The following CORO7 variants were observed in gnomAD, a reference collection of about 807,000 sequenced individuals.
CORO7 encodes the protein coronin 7, also known as coronin-7.
CORO7 carries 107 observed loss-of-function variants against 126.6 expected under a neutral mutation model. That is an observed-to-expected ratio of 0.85 (90% CI 0.72 to 0.99). The LOEUF is 0.99. Among genes scored for constraint, CORO7 ranks in the 50% least tolerant of loss-of-function variants. The pLI is 0.00. For synonymous variants in CORO7, 603 were observed against 536.8 expected, an observed-to-expected ratio of 1.12 and a Z score of -1.70; for missense variants, 1,314 against 1,255.8, an observed-to-expected ratio of 1.05 and a Z score of -0.70.
intron 14 of CORO7, 21 bp downstream of exon 14, chr16:4,364,255 G>A: frequency 6.6e-7 from 1 of 1,519,002 alleles, no homozygotes; most frequent in South Asian, 1.3e-5. Context: ...GAGGGAGGAT[G>A]GGGGCGGCCC....
intron 9 of CORO7, among the ~76,000 whole-genome samples, chr16:4,377,889 CCA>C (rs1186540376): frequency 2.0e-5 from 3 of 152,164 alleles, no homozygotes; most frequent in Non-Finnish European, 2.9e-5. Context: ...GGACCCCAGC[CCA>C]CAGTCCTGAC....
At position 4,362,870 on chromosome 16, in the gene CORO7, C is replaced by T. The variant is rs1360439513; in HGVS notation, c.1276-132G>A. The T allele has an allele frequency of 2.7e-6, 3 of 1,117,558 alleles. No homozygotes were observed. In the African/African-American group the frequency reaches 4.8e-5, roughly 18 times the overall value. The allele number at this position is 1,117,558 out of a possible 1,614,324, so 69.2% of individuals were successfully genotyped here. Reference sequence around the variant, plus strand: ...AGGAGCCCCCACTGTGGGCATGCGACAGGAGCGGCGGGGGGCACGGGCATA... The same window carrying T: ...AGGAGCCCCCACTGTGGGCATGCGATAGGAGCGGCGGGGGGCACGGGCATA... On this transcript the variant is annotated intron_variant, in intron 14 of 27. Coordinates refer to ENST00000251166, the MANE Select transcript of CORO7 (RefSeq NM_024535.5). The surrounding 1 kb of genome is among the most constrained non-coding windows in gnomAD (Gnocchi z 5.3).
chr16:4,387,939 C>A (rs1364742060), intron 9 of CORO7, 47 bp downstream of exon 9: 8 of 1,607,280 alleles, frequency 5.0e-6, no homozygotes, highest in Non-Finnish European at 6.8e-6. Flanking sequence ...ACCTGCGGCG[C>A]CTTGGGTCAT....
At position 4,387,973 on chromosome 16, in the gene CORO7, C is replaced by T. The variant is rs745962579; in HGVS notation, c.785+13G>A. 4 of 1,612,576 alleles carry T rather than the reference C, an allele frequency of 2.5e-6. No individual in the cohort carries two copies. In the South Asian group the frequency reaches 4.4e-5, roughly 18 times the overall value. ...ATCAGCCCCCCAGCCCACCTGCGTGCCGCAGCTCCTACCCAAGCGAGGTGT... is the reference window on the plus strand; with the variant it reads ...ATCAGCCCCCCAGCCCACCTGCGTGTCGCAGCTCCTACCCAAGCGAGGTGT... On this transcript the variant is annotated intron_variant, in intron 9 of 27. Coordinates refer to ENST00000251166, the MANE Select transcript of CORO7 (RefSeq NM_024535.5).
At chr16:4,406,201 T>C (rs995912517) in intron 5 of CORO7, among the ~76,000 whole-genome samples, 1 of 152,172 alleles carries the variant, frequency 6.6e-6, no homozygotes, top group Non-Finnish European at 1.5e-5. Context: ...AATTTCACCA[T>C]GTTGGCCAGG....
intron 9 of CORO7, among the ~76,000 whole-genome samples, chr16:4,385,052 C>T (rs1567278581): frequency 1.3e-5 from 2 of 152,264 alleles, no homozygotes; most frequent in East Asian, 1.9e-4. Context: ...ATCAGGGCTT[C>T]GGGGAAGGGG....
chr16:4,371,811 C>T (rs1430396546), intron 9 of CORO7: 1 of 152,118 alleles, frequency 6.6e-6, no homozygotes, highest in Non-Finnish European at 1.5e-5. Flanking sequence ...GGCCCGCCCC[C>T]CGGGACTCTT....
At chr16:4,376,170 G>A (rs1020792949) in intron 9 of CORO7, among the ~76,000 whole-genome samples, 1 of 152,148 alleles carries the variant, frequency 6.6e-6, no homozygotes, top group African/African-American at 2.4e-5. Context: ...GAGGGCCCAC[G>A]ACCCCTGACC....
chr16:4,361,468 A>G lies in CORO7; in HGVS notation c.1580T>C (p.Leu527Pro). Residue 527 changes from leucine to proline, a missense_variant and splice_region_variant, in exon 17 of 28, where the codon CTA becomes CCA. Coordinates refer to ENST00000251166, the MANE Select transcript of CORO7 (RefSeq NM_024535.5). ...GTCGGGCAGGCGGCCAGGCTTCCGT[A>G]GCTGTGGGAGGTGCCCCCACCCCGA... The part of the protein sequence containing the change: ...SSGGQVAVLE[L>P]RKPGRLPDTA... 1 of 1,611,252 alleles carries G rather than the reference A, an allele frequency of 6.2e-7. No individual in the cohort carries two copies. The highest frequency in any genetic ancestry group is 8.5e-7 in the Non-Finnish European group (1 of 1,179,680).
Position 4,407,538 on chromosome 16 carries a change from C to T in CORO7, c.450G>A (p.Val150=), listed in dbSNP as rs1270130406. Residue 150 remains valine (V), a synonymous_variant, in exon 5 of 28, where the codon GTG becomes GTA. Transcript: ENST00000251166. The stretch of plus-strand genomic sequence containing the variant: ...GCTGCTTGGCTGCGTCCCAGACCTT[C>T]ACAGTGGTGCCTGCTGCGCTCACCA... ...GILVSAAGTT[V]KVWDAAKQQP... The T allele has an allele frequency of 8.9e-6, 14 of 1,577,754 alleles. No homozygotes were observed. The highest frequency in any genetic ancestry group is 1.2e-5 in the Non-Finnish European group (14 of 1,161,882).
intron 7 of CORO7, among the ~76,000 whole-genome samples, chr16:4,390,941 C>T (rs1192460307): frequency 1.3e-5 from 2 of 152,224 alleles, no homozygotes; most frequent in Admixed American, 1.3e-4. Flanking sequence ...AGCTCTTGCT[C>T]CCTGGAGCAT....
chr16:4,379,198 G>A (rs1298477751), intron 9 of CORO7, among the ~76,000 whole-genome samples: 2 of 152,116 alleles, frequency 1.3e-5, no homozygotes, highest in Non-Finnish European at 2.9e-5. Flanking sequence ...GTGGGGGAAG[G>A]GGAAGCCCGG....
intron 6 of CORO7, among the ~76,000 whole-genome samples, chr16:4,404,699 G>A (rs1270631792): frequency 6.6e-6 from 1 of 151,868 alleles, no homozygotes; most frequent in Non-Finnish European, 1.5e-5. Context: ...CCTCAGGACC[G>A]CCACGCCTCC....
In CORO7 at chr16:4,359,645, A is replaced by T. The variant is rs545350551; in HGVS notation, c.2109-24T>A. The T allele has an allele frequency of 9.5e-6, 15 of 1,573,006 alleles. No individual in the cohort carries two copies. In the East Asian group the frequency reaches 3.1e-4, roughly 33 times the overall value. ...GGCTGCAAGGGGGTTTGGGGGCTGA[A>T]GCAGGTGTTTCAGAGCTGAAGGGGC... On this transcript the variant is annotated intron_variant, in intron 21 of 27. Transcript: ENST00000251166.
At chr16:4,412,076 G>C (rs879509092) in intron 3 of CORO7, among the ~76,000 whole-genome samples, 16 of 151,992 alleles carry the variant, frequency 1.1e-4, no homozygotes, top group South Asian at 8.3e-4. Flanking sequence ...GGCAGGGACA[G>C]GGAGCCAGCA....
intron 8 of CORO7, 42 bp downstream of exon 8, chr16:4,388,503 C>T (rs369633254): frequency 7.7e-5 from 122 of 1,590,296 alleles, no homozygotes; most frequent in Non-Finnish European, 9.0e-5. Flanking sequence ...TGGACATGTC[C>T]CCACCTGGCC....
intron 9 of CORO7, among the ~76,000 whole-genome samples, chr16:4,374,586 GCCCTGGGCCC>G (rs2054652804): frequency 6.6e-6 from 1 of 152,152 alleles, no homozygotes; most frequent in Non-Finnish European, 1.5e-5. Context: ...GCCCCTGCTG[GCCCTGGGCCC>G]CGAGCCCGGC....
chr16:4,415,909 G>C, intron 1 of CORO7: 2 of 985,750 alleles, frequency 2.0e-6, no homozygotes, highest in Non-Finnish European at 2.4e-6. Context: ...AAGAGCTTGC[G>C]CCAGCGGCGA....
chr16:4,362,756 G>A lies in CORO7; in HGVS notation c.1276-18C>T. On this transcript the variant is annotated intron_variant, in intron 14 of 27. Coordinates refer to ENST00000251166, the MANE Select transcript of CORO7 (RefSeq NM_024535.5). This position sits in a 1 kb window ranked among gnomAD's most constrained non-coding sequence, Gnocchi z 5.3. ...AAACCCTCCTGGGGAGGGGCATGGG[G>A]TCAGCCAGCCTGCTCCTAGGTGTAC... The A allele has an allele frequency of 7.3e-7, 1 of 1,373,532 alleles. No homozygotes were observed. Among genetic ancestry groups the A allele is most frequent in the East Asian group, 2.9e-5 (1 of 34,320 alleles). 85.1% of individuals were successfully genotyped at this position (1,373,532 alleles called of 1,614,324 possible).
Sources: allele counts gnomAD v4.1 joint callset (sites outside exome capture counted in the v4.1 genomes callset), GRCh38; gene constraint gnomAD v4.1.1; non-coding constraint Gnocchi (gnomAD v3.1); transcripts MANE v1.5; gene names NCBI Gene and HGNC (gene_info 2026-07-23, HGNC 2026-07-21).